KMT2E: variants seen among roughly 807,000 people sequenced by gnomAD.
The protein encoded by KMT2E is lysine methyltransferase 2E (inactive), also known as histone reader KMT2E.
Under a neutral mutation model 184.6 loss-of-function variants are expected in KMT2E, and 30 were observed. That is an observed-to-expected ratio of 0.16 (90% CI 0.12 to 0.22). The LOEUF (loss-of-function observed/expected upper bound fraction) is 0.22, where lower values mean the gene tolerates loss of function less well. KMT2E is among the 10% of genes least tolerant of loss of function. KMT2E has a pLI of 1.00. For missense variants in KMT2E, 2,023 were observed against 2,237.4 expected, an observed-to-expected ratio of 0.90 and a Z score of 1.93; for synonymous variants, 815 against 776.5, an observed-to-expected ratio of 1.05 and a Z score of -0.82.
chr7:105,063,708 T>C, intron 5 of KMT2E, 128 bp downstream of exon 5: 2 of 640,706 alleles, frequency 3.1e-6, no homozygotes, highest in Non-Finnish European at 5.2e-6. Context: ...ACTTCTACTA[T>C]TGATGCAGTC....
chr7:105,097,182 A>G (rs564376900), intron 15 of KMT2E, among the ~76,000 whole-genome samples: 45 of 152,346 alleles, frequency 3.0e-4, no homozygotes, highest in African/African-American at 1.0e-3. Context: ...CAATGCTTTA[A>G]TAATAAAATA....
chr7:105,052,464 T>C (rs1372131673), intron 3 of KMT2E, among the ~76,000 whole-genome samples: 1 of 152,234 alleles, frequency 6.6e-6, no homozygotes, highest in African/African-American at 2.4e-5. Flanking sequence ...ATCACTAATA[T>C]CATTGTATCT....
At chr7:105,106,473 AAC>A in intron 19 of KMT2E, 47 bp from the exon 20 acceptor site, 2 of 1,499,050 alleles carry the variant, frequency 1.3e-6, no homozygotes, top group Non-Finnish European at 1.9e-6. Flanking sequence ...AACAGATTTT[AAC>A]AAATAGCAAC....
chr7:105,053,365 T>C (rs1284008955), intron 3 of KMT2E, among the ~76,000 whole-genome samples: 1 of 152,172 alleles, frequency 6.6e-6, no homozygotes, highest in Admixed American at 6.5e-5. Flanking sequence ...TAACAAGTAC[T>C]GGTATTTTTT....
chr7:105,054,450 GTCTGTCTGTCTATCTATCTA>G (rs1796481242), intron 3 of KMT2E, among the ~76,000 whole-genome samples: 1 of 66,746 alleles, frequency 1.5e-5, no homozygotes, highest in Non-Finnish European at 2.7e-5. Context: ...AAGTTGCTCT[GTCTGTCTGTCTATCTATCTA>G]TCTATCTATC....
rs561846619 is a variant in KMT2E, at chr7:105,032,090, A to G, written c.-188-6036A>G. 3.8e-3 allele frequency among the ~76,000 whole-genome samples: 571 copies of G among 151,156 alleles called. 3 individuals are homozygous for G. Among genetic ancestry groups the G allele is most frequent in the African/African-American group, 0.013 (545 of 41,240 alleles). ...TCTTATCACAAAAAAAAAAAAAAAA[A>G]AAAAAAGGCTAAAAAGTAATAATGA... is the stretch of plus-strand genomic sequence containing the variant. On this transcript the variant is annotated intron_variant, in intron 1 of 26. Transcript: ENST00000311117.
Position 105,090,202 on chromosome 7 carries a change from A to G in KMT2E, c.1552A>G (p.Asn518Asp), listed in dbSNP as rs956796459. The change falls in exon 14 of 27, where the codon AAC (asparagine) becomes GAC (aspartate). Residue 518 changes from asparagine (N) to aspartate (D), a missense_variant. Asn to Asp is a conservative substitution (Grantham distance 23). This residue lies in a region of KMT2E where 514 missense variants were observed against 621.8 expected (regional missense o/e 0.83). Coordinates refer to ENST00000311117, the MANE Select transcript of KMT2E (RefSeq NM_182931.3). Reference protein sequence around the residue: ...NITLDCEGTTNKMKSPETKQR... With the variant: ...NITLDCEGTTDKMKSPETKQR... Reference sequence around the variant, plus strand: ...TACTTTGGATTGTGAAGGAACGACCAACAAAATGAAGAGCCCAGAAACTAA... The same window carrying G: ...TACTTTGGATTGTGAAGGAACGACCGACAAAATGAAGAGCCCAGAAACTAA... The G allele has an allele frequency of 3.1e-6, 5 of 1,610,254 alleles. No homozygotes were observed. The highest frequency in any genetic ancestry group is 2.7e-5 in the African/African-American group (2 of 74,370).
At chr7:105,075,782 C>T (rs867967350) in intron 8 of KMT2E, among the ~76,000 whole-genome samples, 4 of 152,032 alleles carry the variant, frequency 2.6e-5, no homozygotes, top group African/African-American at 9.6e-5. Flanking sequence ...AACTCCTGGG[C>T]TCCAGTTGAT....
At chr7:105,075,609 A>G (rs1797494064) in intron 8 of KMT2E, among the ~76,000 whole-genome samples, 2 of 152,158 alleles carry the variant, frequency 1.3e-5, no homozygotes, top group Admixed American at 6.6e-5. Context: ...TATTGAACAC[A>G]GAGAATATTT....
chr7:105,101,666 AG>A, intron 16 of KMT2E, 77 bp downstream of exon 16: 3 of 1,235,328 alleles, frequency 2.4e-6, no homozygotes, highest in Non-Finnish European at 3.2e-6. Context: ...ATTACTTATA[AG>A]GAATTTAAAA....
chr7:105,037,004 C>T (rs1795688130), intron 1 of KMT2E, among the ~76,000 whole-genome samples: 1 of 152,086 alleles, frequency 6.6e-6, no homozygotes, highest in Non-Finnish European at 1.5e-5. Flanking sequence ...TAGTCAGCTG[C>T]TGTAAATTAA....
At chr7:105,078,507 T>C (rs1037910136) in intron 11 of KMT2E, among the ~76,000 whole-genome samples, 2 of 151,868 alleles carry the variant, frequency 1.3e-5, no homozygotes, top group African/African-American at 4.8e-5. Flanking sequence ...ATGTTGACTT[T>C]TGTTTGTTTG....
intron 1 of KMT2E, among the ~76,000 whole-genome samples, chr7:105,015,009 G>A (rs1794652539): frequency 6.6e-6 from 1 of 152,134 alleles, no homozygotes; most frequent in Non-Finnish European, 1.5e-5. Flanking sequence ...CTGGTATAAT[G>A]TGCACATGAA....
At position 105,112,252 on chromosome 7, in the gene KMT2E, T is replaced by G; in HGVS notation, c.4496T>G (p.Phe1499Cys). ...CCTCAGCGAGAGCCTCAAAGAAACT[T>G]TTATCCAGCAGCACAGAACCTTCCA... ...GTPQREPQRN[F>C]YPAAQNLPAN... Residue 1499 changes from phenylalanine to cysteine, a missense_variant, in exon 27 of 27, where the codon TTT (phenylalanine) becomes TGT (cysteine). Phe to Cys is a radical substitution (Grantham distance 205). Transcript: ENST00000311117. 6.2e-7 allele frequency: 1 copy of G among 1,614,106 alleles called. No individual in the cohort carries two copies. Among genetic ancestry groups the G allele is most frequent in the Non-Finnish European group, 8.5e-7 (1 of 1,180,024 alleles).
intron 4 of KMT2E, 105 bp from the exon 5 acceptor site, chr7:105,063,246 T>G: frequency 1.3e-6 from 1 of 790,826 alleles, no homozygotes; most frequent in Non-Finnish European, 2.0e-6. Context: ...CAGTCTCATA[T>G]CTCTTGAGTA....
intron 1 of KMT2E, among the ~76,000 whole-genome samples, chr7:105,035,022 ATT>A (rs981054177): frequency 1.9e-4 from 24 of 129,680 alleles, no homozygotes; most frequent in Admixed American, 2.4e-4. Context: ...CACCTGGCTA[ATT>A]TTTTTTTTTT....
At chr7:105,014,749 T>C (rs1451388734) in intron 1 of KMT2E, among the ~76,000 whole-genome samples, 1 of 152,030 alleles carries the variant, frequency 6.6e-6, no homozygotes, top group Non-Finnish European at 1.5e-5. Flanking sequence ...TGGCGGGTTT[T>C]AGGGTTGGGA....
intron 23 of KMT2E, 142 bp from the exon 24 acceptor site, chr7:105,110,138 T>G (rs1367454881): frequency 7.2e-6 from 5 of 695,964 alleles, no homozygotes; most frequent in African/African-American, 1.8e-5. Flanking sequence ...CTGCCAAGAT[T>G]AACTATTTTC....
intron 3 of KMT2E, among the ~76,000 whole-genome samples, chr7:105,058,852 A>G (rs907352760): frequency 4.6e-5 from 7 of 152,208 alleles, no homozygotes; most frequent in African/African-American, 1.4e-4. Flanking sequence ...GAAATTTCCC[A>G]TGGATAAAGA....
Sources: allele counts gnomAD v4.1 joint callset (sites outside exome capture counted in the v4.1 genomes callset), GRCh38; gene constraint gnomAD v4.1.1; regional missense constraint gnomAD v4.1.1; transcripts MANE v1.5; gene names NCBI Gene and HGNC (gene_info 2026-07-23, HGNC 2026-07-21).